CALD1: variants seen among roughly 807,000 people sequenced by gnomAD.
The protein encoded by CALD1 is caldesmon.
Under a neutral mutation model 99.9 loss-of-function variants are expected in CALD1, and 33 were observed. That is an observed-to-expected ratio of 0.33 (90% CI 0.25 to 0.44). The LOEUF (loss-of-function observed/expected upper bound fraction) is 0.44. Ranked by LOEUF, CALD1 falls within the 20% of genes least tolerant of loss-of-function variation. The probability of loss-of-function intolerance (pLI) is 1.00; values close to 1 mark genes in which losing one functional copy is unlikely to be tolerated. For synonymous variants in CALD1, 310 were observed against 325.0 expected, an observed-to-expected ratio of 0.95 and a Z score of 0.50; for missense variants, 861 against 962.1, an observed-to-expected ratio of 0.89 and a Z score of 1.39.
chr7:134,889,064 C>T (rs951836496), intron 3 of CALD1, among the ~76,000 whole-genome samples: 2 of 152,102 alleles, frequency 1.3e-5, no homozygotes, highest in African/African-American at 4.8e-5. Context: ...GCGTGGGGGG[C>T]TGGGGAGGAG....
intron 1 of CALD1, among the ~76,000 whole-genome samples, chr7:134,751,556 C>T (rs1796685926): frequency 6.6e-6 from 1 of 152,200 alleles, no homozygotes; most frequent in African/African-American, 2.4e-5. Context: ...TATCCCAGTA[C>T]CTAGAACCAT....
chr7:134,841,599 A>G (rs1438755191), intron 1 of CALD1, among the ~76,000 whole-genome samples: 1 of 152,198 alleles, frequency 6.6e-6, no homozygotes, highest in Non-Finnish European at 1.5e-5. Flanking sequence ...AAGTCTACCT[A>G]GCAAAAAAGG....
chr7:134,800,081 A>C (rs1359016119), intron 1 of CALD1, among the ~76,000 whole-genome samples: 1 of 152,180 alleles, frequency 6.6e-6, no homozygotes, highest in East Asian at 1.9e-4. Context: ...GGTAAATTGC[A>C]GATCATTTAA....
intron 1 of CALD1, among the ~76,000 whole-genome samples, chr7:134,817,358 T>G (rs905498265): frequency 2.0e-5 from 3 of 152,202 alleles, no homozygotes; most frequent in African/African-American, 4.8e-5. Context: ...AGTAAAAGAT[T>G]AACAGGAAGT....
At chr7:134,908,831 A>G (rs1803587432) in intron 3 of CALD1, among the ~76,000 whole-genome samples, 1 of 152,150 alleles carries the variant, frequency 6.6e-6, no homozygotes, top group South Asian at 2.1e-4. Flanking sequence ...ATATATATAT[A>G]TGAAACAAGT....
intron 1 of CALD1, among the ~76,000 whole-genome samples, chr7:134,820,110 G>C (rs1798715860): frequency 6.6e-6 from 1 of 152,180 alleles, no homozygotes; most frequent in Admixed American, 6.5e-5. Context: ...ATCTAAGAGA[G>C]AATTTTGAGT....
the CALD1 span, among the ~76,000 whole-genome samples, chr7:134,712,434 G>C: frequency 1.3e-5 from 2 of 152,322 alleles, no homozygotes; most frequent in African/African-American, 4.8e-5. Context: ...CCGGCCACCA[G>C]AATTCTTCCC....
chr7:134,732,502 T>C, the CALD1 span, among the ~76,000 whole-genome samples: 1 of 152,232 alleles, frequency 6.6e-6, no homozygotes, highest in South Asian at 2.1e-4. Flanking sequence ...TTCCACCAAA[T>C]GAGGACTCAC....
chr7:134,891,853 T>G (rs1333668794), intron 3 of CALD1, among the ~76,000 whole-genome samples: 2 of 151,782 alleles, frequency 1.3e-5, no homozygotes, highest in African/African-American at 4.8e-5. Flanking sequence ...TCTGAAACTT[T>G]CTGGTTTCCA....
intron 1 of CALD1, among the ~76,000 whole-genome samples, chr7:134,833,189 T>C (rs1448147495): frequency 6.6e-6 from 1 of 152,232 alleles, no homozygotes; most frequent in Non-Finnish European, 1.5e-5. Context: ...CACTTAGCTA[T>C]GAATGTTGAA....
At chr7:134,713,182 G>C in the CALD1 span, among the ~76,000 whole-genome samples, 1 of 152,104 alleles carries the variant, frequency 6.6e-6, no homozygotes, top group Non-Finnish European at 1.5e-5. Context: ...TTCATTCCTC[G>C]TTTCCTAGAC....
At chr7:134,898,057 TG>T (rs1802711684) in intron 3 of CALD1, among the ~76,000 whole-genome samples, 1 of 152,056 alleles carries the variant, frequency 6.6e-6, no homozygotes, top group African/African-American at 2.4e-5. Flanking sequence ...CCCGAGAAGC[TG>T]GGATTACAGG....
intron 2 of CALD1, chr7:134,844,238 T>C (rs942929535): frequency 2.6e-5 from 4 of 152,202 alleles, no homozygotes; most frequent in Admixed American, 6.5e-5. Context: ...ATGTAATATC[T>C]TTCACAAAAC....
chr7:134,931,016 A>G (rs1805482367), intron 4 of CALD1, among the ~76,000 whole-genome samples: 1 of 152,092 alleles, frequency 6.6e-6, no homozygotes, highest in Non-Finnish European at 1.5e-5. Context: ...TGCTTTTAAA[A>G]TCTTGCTTTT....
chr7:134,771,860 T>C (rs1198401465), intron 1 of CALD1, among the ~76,000 whole-genome samples: 1 of 152,308 alleles, frequency 6.6e-6, no homozygotes, highest in East Asian at 1.9e-4. Context: ...CATGTCTCTG[T>C]TGAAAACCTT....
At chr7:134,776,520 T>C (rs1796920021), upstream of CALD1, among the ~76,000 whole-genome samples, 1 of 152,236 alleles carries the variant, frequency 6.6e-6, no homozygotes, top group Admixed American at 6.5e-5. Context: ...ATTCAATTAC[T>C]AATTTTTTCA....
At position 134,843,991 on chromosome 7, in the gene CALD1, T is replaced by C. The variant is rs1309340381; in HGVS notation, c.-42+20T>C. Reference sequence around the variant, plus strand: ...TGACCTGTGAGTAAAGTTTATGTTTTATTAATACTTTGGGCTCTGCTCTTA... The same window carrying C: ...TGACCTGTGAGTAAAGTTTATGTTTCATTAATACTTTGGGCTCTGCTCTTA... On this transcript the variant is annotated intron_variant, in intron 2 of 14. Coordinates refer to ENST00000361675, the MANE Select transcript of CALD1 (RefSeq NM_033138.4). 6.6e-6 allele frequency: 1 copy of C among 152,216 alleles called. No homozygotes were observed. The highest frequency in any genetic ancestry group is 1.5e-5 in the Non-Finnish European group (1 of 68,034). The allele number at this position is 152,216 out of a possible 1,614,324, so 9.4% of individuals were successfully genotyped here. A position where few individuals can be genotyped will look rare whatever the true frequency, so the allele number is the denominator to read the frequency against.
chr7:134,716,917 T>C, the CALD1 span, among the ~76,000 whole-genome samples: 4 of 152,216 alleles, frequency 2.6e-5, no homozygotes, highest in Non-Finnish European at 4.4e-5. Context: ...GTTATTGTTG[T>C]TGGTAAACAA....
At chr7:134,866,352 C>A (rs1006271000) in intron 2 of CALD1, among the ~76,000 whole-genome samples, 1 of 152,036 alleles carries the variant, frequency 6.6e-6, no homozygotes, top group Non-Finnish European at 1.5e-5. Context: ...AGATAAACAT[C>A]AAAAATTTAA....
Sources: allele counts gnomAD v4.1 joint callset (sites outside exome capture counted in the v4.1 genomes callset), GRCh38; gene constraint gnomAD v4.1.1; transcripts MANE v1.5; gene names NCBI Gene and HGNC (gene_info 2026-07-23, HGNC 2026-07-21).